The following NWD2 variants were observed in gnomAD, a reference collection of about 807,000 sequenced individuals.
The protein encoded by NWD2 is NACHT and WD repeat domain containing 2, also known as NACHT and WD repeat domain-containing protein 2.
NWD2 carries 37 observed loss-of-function variants against 132.7 expected under a neutral mutation model. The ratio of observed to expected loss-of-function variants is 0.28; its 90% CI spans 0.21 to 0.37. The LOEUF is 0.37. Ranked by LOEUF, NWD2 falls within the 10% of genes least tolerant of loss-of-function variation. The pLI is 1.00. For missense variants in NWD2, 1,592 were observed against 2,122.4 expected (o/e 0.75, Z 4.91); for synonymous variants, 705 against 803.0 (o/e 0.88, Z 2.06).
intron 1 of NWD2, among the ~76,000 whole-genome samples, chr4:37,279,405 A>G (rs1298882785): frequency 6.6e-6 from 1 of 152,188 alleles, no homozygotes; most frequent in African/African-American, 2.4e-5. Context: ...CCATAGTGAA[A>G]TCTCCAGAAA....
chr4:37,284,141 G>T (rs190760275), intron 1 of NWD2, among the ~76,000 whole-genome samples: 2 of 152,206 alleles, frequency 1.3e-5, no homozygotes, highest in East Asian at 3.9e-4. Context: ...CAGTTGCCGA[G>T]ACTGGGAAAT....
intron 3 of NWD2, among the ~76,000 whole-genome samples, chr4:37,357,728 T>A (rs1267934668): frequency 6.6e-6 from 1 of 151,934 alleles, no homozygotes; most frequent in East Asian, 1.9e-4. Context: ...ATAAGTAAGA[T>A]AAACAGTAAG....
At chr4:37,393,910 C>T (rs1720728105) in intron 3 of NWD2, among the ~76,000 whole-genome samples, 1 of 152,168 alleles carries the variant, frequency 6.6e-6, no homozygotes, top group African/African-American at 2.4e-5. Flanking sequence ...TTGACTTTGG[C>T]ATAGAGTTGT....
At chr4:37,290,117 G>A (rs1718327943) in intron 1 of NWD2, among the ~76,000 whole-genome samples, 1 of 152,126 alleles carries the variant, frequency 6.6e-6, no homozygotes, top group Admixed American at 6.6e-5. Flanking sequence ...AAGGGTCTTT[G>A]CACAGCACTG....
rs935327757 is a variant in NWD2 at position 37,404,278 on chromosome 4, A to G, written c.358-26294A>G. 5.3e-5 allele frequency among the ~76,000 whole-genome samples: 8 copies of G among 152,216 alleles called. No individual in the cohort carries two copies. In the East Asian group the frequency reaches 1.5e-3, roughly 29 times the overall value. On this transcript the variant is annotated intron_variant, in intron 3 of 6. Transcript: ENST00000309447. The stretch of plus-strand genomic sequence containing the variant: ...CTCAGTAAGTGATATGATTATTGAT[A>G]AAAAATGAAAGCTCTGTTGTTATTA...
intron 1 of NWD2, among the ~76,000 whole-genome samples, chr4:37,319,305 A>G (rs796079832): frequency 3.9e-5 from 6 of 151,966 alleles, no homozygotes; most frequent in African/African-American, 1.4e-4. Context: ...TCTTTTGCCC[A>G]TTTTTTACTA....
At position 37,424,937 on chromosome 4, in the gene NWD2, C is replaced by T. The variant is rs145191934; in HGVS notation, c.358-5635C>T. ...AGCAGAGCTAACTGCACATGAAGAG[C>T]AGAGTGGAGAGAAATCAATATTTGC... On this transcript the variant is annotated intron_variant, in intron 3 of 6. Transcript: ENST00000309447. Among the ~76,000 whole-genome samples, 369 of 152,034 alleles carry T rather than the reference C, an allele frequency of 2.4e-3. 1 individual carries two copies. Among genetic ancestry groups the T allele is most frequent in the African/African-American group, 8.3e-3 (346 of 41,448 alleles).
intron 2 of NWD2, among the ~76,000 whole-genome samples, chr4:37,348,263 G>A: frequency 6.6e-6 from 1 of 152,152 alleles, no homozygotes; most frequent in East Asian, 1.9e-4. Flanking sequence ...CTGTTAACAA[G>A]TTCGTTAACA....
At position 37,341,457 on chromosome 4, in the gene NWD2, A is replaced by G. The variant is rs75660140; in HGVS notation, c.241-14909A>G. ...GTAAATATATAAGCTATATAATTATACATGTTGTACATGTACACGTGTGTG... is the reference window on the plus strand; with the variant it reads ...GTAAATATATAAGCTATATAATTATGCATGTTGTACATGTACACGTGTGTG... On this transcript the variant is annotated intron_variant, in intron 2 of 6. Transcript: ENST00000309447. Among the ~76,000 whole-genome samples the G allele has an allele frequency of 1.1e-3, 168 of 152,352 alleles. 5 individuals are homozygous for G. The East Asian group carries it at 0.032, about 29-fold the overall frequency.
Position 37,443,905 on chromosome 4 carries a change from T to C in NWD2, c.1917T>C (p.His639=). The C allele has an allele frequency of 6.4e-7, 1 of 1,552,350 alleles. No individual in the cohort carries two copies. Among genetic ancestry groups the C allele is most frequent in the Non-Finnish European group, 8.7e-7 (1 of 1,147,148 alleles). Residue 639 remains histidine (H), a synonymous_variant, in exon 7 of 7, where the codon CAT becomes CAC. Coordinates refer to ENST00000309447, the MANE Select transcript of NWD2 (RefSeq NM_001144990.2). This position sits in a 1 kb window ranked among gnomAD's most constrained non-coding sequence, Gnocchi z 4.1. ...VDESSLSVTV[H]ESIEQLFWSL... is the part of the protein sequence containing the mutation. ...AATCCTCCCTCTCTGTCACCGTTCA[T>C]GAAAGTATAGAGCAGTTATTCTGGT... is the stretch of plus-strand genomic sequence containing the variant.
At chr4:37,261,977 G>A (rs1470003804) in intron 1 of NWD2, among the ~76,000 whole-genome samples, 1 of 152,222 alleles carries the variant, frequency 6.6e-6, no homozygotes, top group African/African-American at 2.4e-5. Flanking sequence ...TGACTGGGGT[G>A]TTCAAGGAAG....
In NWD2 at chr4:37,363,938, G is replaced by A. The variant is rs527376417; in HGVS notation, c.357+7456G>A. Among the ~76,000 whole-genome samples the A allele has an allele frequency of 1.6e-4, 24 of 150,206 alleles. 1 individual carries two copies. In the South Asian group the frequency reaches 4.1e-3, roughly 26 times the overall value. ...GGAGTTCAAGACCAGCCTGGCCAACGTGGTGAAACCCCCTTTTCTACTAAA... is the reference window on the plus strand; with the variant it reads ...GGAGTTCAAGACCAGCCTGGCCAACATGGTGAAACCCCCTTTTCTACTAAA... On this transcript the variant is annotated intron_variant, in intron 3 of 6. Coordinates refer to ENST00000309447, the MANE Select transcript of NWD2 (RefSeq NM_001144990.2).
intron 3 of NWD2, among the ~76,000 whole-genome samples, chr4:37,375,925 G>C (rs1383350608): frequency 6.6e-6 from 1 of 152,088 alleles, no homozygotes; most frequent in Admixed American, 6.6e-5. Context: ...CTTGTTTCCA[G>C]TATTTTATCA....
intron 2 of NWD2, among the ~76,000 whole-genome samples, chr4:37,334,006 T>C (rs1719347847): frequency 6.6e-6 from 1 of 151,908 alleles, no homozygotes; most frequent in Admixed American, 6.6e-5. Context: ...GACAGGCTAT[T>C]TGAAAATACA....
intron 3 of NWD2, among the ~76,000 whole-genome samples, chr4:37,428,658 A>G (rs1304895962): frequency 6.6e-6 from 1 of 152,256 alleles, no homozygotes; most frequent in African/African-American, 2.4e-5. Flanking sequence ...CCAGGTCCAC[A>G]CTGTGAGAAC....
rs1341793614 is a variant in NWD2, at chr4:37,443,804, A to G, written c.1816A>G (p.Lys606Glu). The G allele has an allele frequency of 1.3e-6, 2 of 1,552,090 alleles. No homozygotes were observed. The highest frequency in any genetic ancestry group is 2.4e-5 in the South Asian group (2 of 84,060). ...QQIYVNNALSKCTLPMFVNLT... is the reference protein window; with the variant it reads ...QQIYVNNALSECTLPMFVNLT... ...GATTTATGTGAACAATGCATTATCC[A>G]AGTGCACACTGCCAATGTTTGTGAA... Residue 606 changes from lysine (K) to glutamate (E), a missense_variant, in exon 7 of 7, where the codon AAG becomes GAG. Lys to Glu is a moderately conservative substitution (Grantham distance 56, BLOSUM62 1). Transcript: ENST00000309447. This position sits in a 1 kb window ranked among gnomAD's most constrained non-coding sequence, Gnocchi z 4.1.
intron 1 of NWD2, among the ~76,000 whole-genome samples, chr4:37,278,107 CTG>C (rs929443216): frequency 2.0e-5 from 3 of 152,106 alleles, no homozygotes; most frequent in Non-Finnish European, 4.4e-5. Context: ...CTGTCAATGA[CTG>C]TGTGTATGGG....
intron 1 of NWD2, among the ~76,000 whole-genome samples, chr4:37,306,759 A>T (rs1298465065): frequency 6.6e-6 from 1 of 152,182 alleles, no homozygotes; most frequent in South Asian, 2.1e-4. Flanking sequence ...GTGGTGGCTG[A>T]TGCCTGTAAT....
Position 37,433,903 on chromosome 4 carries a change from G to A in NWD2, c.589G>A (p.Glu197Lys), listed in dbSNP as rs537258397. 56 of 1,545,284 alleles carry A rather than the reference G, an allele frequency of 3.6e-5. 1 individual carries two copies. The East Asian group carries it at 1.1e-3, about 30-fold the overall frequency. The change falls in exon 5 of 7, where the codon GAG (glutamate) becomes AAG (lysine). Residue 197 changes from glutamate (E) to lysine (K), a missense_variant. Around this residue, in one of 7 missense-constraint regions of NWD2, gnomAD observed 144 missense variants for 185.7 expected, o/e 0.78. Coordinates refer to ENST00000309447, the MANE Select transcript of NWD2 (RefSeq NM_001144990.2). ...AMQPSTNAEN[E>K]KTWQEISDEI... ...GCAGCCTTCTACCAATGCTGAAAAC[G>A]AGAAGACATGGCAAGAGATATCAGA...
Sources: allele counts gnomAD v4.1 joint callset (sites outside exome capture counted in the v4.1 genomes callset), GRCh38; gene constraint gnomAD v4.1.1; regional missense constraint gnomAD v4.1.1; non-coding constraint Gnocchi (gnomAD v3.1); transcripts MANE v1.5; gene names NCBI Gene and HGNC (gene_info 2026-07-23, HGNC 2026-07-21).